ZMYM4: variants seen among roughly 807,000 people sequenced by gnomAD.
ZMYM4 encodes the protein zinc finger MYM-type protein 4.
Under a neutral mutation model 183.2 loss-of-function variants are expected in ZMYM4, and 31 were observed. The observed-to-expected ratio is 0.17, with a 90% CI of 0.13 to 0.23. The LOEUF (loss-of-function observed/expected upper bound fraction) is 0.23, where lower values mean the gene tolerates loss of function less well. Among genes scored for constraint, ZMYM4 ranks in the 10% least tolerant of loss-of-function variants. The pLI is 1.00. For synonymous variants in ZMYM4, 592 were observed against 631.2 expected (o/e 0.94, Z 0.93); for missense variants, 1,273 against 1,840.3 (o/e 0.69, Z 5.64).
intron 1 of ZMYM4, among the ~76,000 whole-genome samples, chr1:35,307,649 C>T (rs933005264): frequency 1.1e-4 from 16 of 150,994 alleles, no homozygotes; most frequent in Non-Finnish European, 1.9e-4. Context: ...ATTCTCCTGC[C>T]TCAGCCTCCC....
At position 35,370,081 on chromosome 1, in the gene ZMYM4, G is replaced by A. The variant is rs770906457; in HGVS notation, c.893G>A (p.Ser298Asn). The part of the protein sequence containing the change: ...QKTQEGELKI[S>N]AVFSVSGSPL... ...ACTCAAGAGGGGGAACTGAAAATTA[G>A]TGCTGTGTTTTCAGTCAGTGGCAGC... Residue 298 changes from serine (S) to asparagine (N), a missense_variant, in exon 6 of 30, where the codon AGT becomes AAT. Coordinates refer to ENST00000314607, the MANE Select transcript of ZMYM4 (RefSeq NM_005095.3). 2.5e-6 allele frequency: 4 copies of A among 1,613,370 alleles called. No homozygotes were observed. Among genetic ancestry groups the A allele is most frequent in the Non-Finnish European group, 3.4e-6 (4 of 1,179,558 alleles).
At chr1:35,333,786 T>G (rs1642857461) in intron 2 of ZMYM4, among the ~76,000 whole-genome samples, 1 of 152,112 alleles carries the variant, frequency 6.6e-6, no homozygotes, top group Non-Finnish European at 1.5e-5. Flanking sequence ...TATACATACT[T>G]TTCTCCTCCT....
At chr1:35,333,313 A>C (rs933826868) in intron 2 of ZMYM4, among the ~76,000 whole-genome samples, 5 of 144,934 alleles carry the variant, frequency 3.4e-5, no homozygotes, top group African/African-American at 1.0e-4. Context: ...GTTGGAGTGC[A>C]GTGGTGCAAT....
At chr1:35,339,298 G>A (rs944421624) in intron 2 of ZMYM4, among the ~76,000 whole-genome samples, 13 of 151,880 alleles carry the variant, frequency 8.6e-5, no homozygotes, top group African/African-American at 2.4e-4. Flanking sequence ...GCAGTGGCGC[G>A]ATCTTTGCTC....
chr1:35,342,930 C>T (rs1319165321), intron 2 of ZMYM4, among the ~76,000 whole-genome samples: 4 of 152,120 alleles, frequency 2.6e-5, no homozygotes, highest in African/African-American at 9.7e-5. Context: ...GACCTGCCCG[C>T]CTCAGCCTCC....
At chr1:35,405,915 A>G (rs1644994970) in intron 25 of ZMYM4, among the ~76,000 whole-genome samples, 1 of 152,212 alleles carries the variant, frequency 6.6e-6, no homozygotes, top group Non-Finnish European at 1.5e-5. Context: ...TTTCAAATAA[A>G]GCAACAGTGT....
intron 9 of ZMYM4, among the ~76,000 whole-genome samples, chr1:35,385,153 T>C (rs770771105): frequency 6.6e-6 from 1 of 152,206 alleles, no homozygotes; most frequent in Non-Finnish European, 1.5e-5. Flanking sequence ...CCGCATTACT[T>C]TTTCAATGAA....
At chr1:35,407,603 G>T (rs1414269680) in intron 25 of ZMYM4, among the ~76,000 whole-genome samples, 1 of 152,116 alleles carries the variant, frequency 6.6e-6, no homozygotes, top group Non-Finnish European at 1.5e-5. Context: ...TCTCACATAA[G>T]ACTAGTATTT....
At chr1:35,350,955 G>T (rs771346987) in intron 2 of ZMYM4, 6 of 686,204 alleles carry the variant, frequency 8.7e-6, no homozygotes, top group Non-Finnish European at 1.6e-5. Context: ...TGCGGCATAT[G>T]CATATGAACT....
intron 2 of ZMYM4, chr1:35,350,886 A>C (rs769948327): frequency 9.7e-6 from 6 of 620,468 alleles, no homozygotes; most frequent in Non-Finnish European, 1.7e-5. Flanking sequence ...TAATTTGTGT[A>C]ACAGAGATAT....
rs555491405 is a variant in ZMYM4, at chr1:35,389,526, G to A, written c.2437-422G>A. Among the ~76,000 whole-genome samples the A allele has an allele frequency of 1.3e-4, 20 of 151,974 alleles. No homozygotes were observed. The highest frequency in any genetic ancestry group is 2.8e-4 in the Non-Finnish European group (19 of 67,966). ...TCCCAGCACTTTGGGAGGCCGAGGC[G>A]GGTGGATCATGAGGTTAGGAGATCG... On this transcript the variant is annotated intron_variant, in intron 14 of 29. Coordinates refer to ENST00000314607, the MANE Select transcript of ZMYM4 (RefSeq NM_005095.3). This position sits in a 1 kb window ranked among gnomAD's most constrained non-coding sequence, Gnocchi z 4.0.
chr1:35,268,913 C>T lies in ZMYM4; in HGVS notation c.-134C>T. On this transcript the variant is annotated 5_prime_UTR_variant, in exon 1 of 30. Transcript: ENST00000314607. The stretch of plus-strand genomic sequence containing the variant: ...GCGGCATCCGCCCCCTCCCCACTCT[C>T]GGCGCAAGGCCCGGCCGGGTCCGGG... 9.5e-7 allele frequency: 1 copy of T among 1,050,124 alleles called. No homozygotes were observed. Among genetic ancestry groups the T allele is most frequent in the South Asian group, 4.2e-5 (1 of 24,050 alleles). 65.1% of individuals were successfully genotyped at this position (1,050,124 alleles called of 1,614,324 possible). A position where few individuals can be genotyped will look rare whatever the true frequency, so the allele number is the denominator to read the frequency against.
chr1:35,383,596 C>T (rs1644511872), intron 9 of ZMYM4, among the ~76,000 whole-genome samples: 2 of 151,714 alleles, frequency 1.3e-5, no homozygotes, highest in Admixed American at 1.3e-4. Context: ...TGTCATTTTC[C>T]AAAAGACTGT....
Position 35,363,171 on chromosome 1 carries a change from TG to T in ZMYM4, c.840+1384del, listed in dbSNP as rs199649244. Among the ~76,000 whole-genome samples the T allele has an allele frequency of 6.0e-4, 91 of 152,170 alleles. No homozygotes were observed. The East Asian group carries it at 0.017, about 29-fold the overall frequency. Reference sequence around the variant, plus strand: ...GGATGACAGAGTGAGACTTTTTTTTTGGTAAAGTAAGTTGCACAAGCTTGTC... The same window carrying T: ...GGATGACAGAGTGAGACTTTTTTTTTGTAAAGTAAGTTGCACAAGCTTGTC... On this transcript the variant is annotated intron_variant, in intron 5 of 29. Transcript: ENST00000314607.
Position 35,355,663 on chromosome 1 carries a change from G to A in ZMYM4, c.86-3262G>A, listed in dbSNP as rs184591257. On this transcript the variant is annotated intron_variant, in intron 2 of 29. Coordinates refer to ENST00000314607, the MANE Select transcript of ZMYM4 (RefSeq NM_005095.3). ...TCTAGCCATTTTTAAAGTCACATTT[G>A]ATCTTTTATATTTTTATTTATAACT... 6.7e-4 allele frequency among the ~76,000 whole-genome samples: 102 copies of A among 151,950 alleles called. 1 individual carries two copies. The highest frequency in any genetic ancestry group is 2.9e-3 in the East Asian group (15 of 5,180).
chr1:35,287,951 G>A (rs1011373806), intron 1 of ZMYM4, among the ~76,000 whole-genome samples: 2 of 152,096 alleles, frequency 1.3e-5, no homozygotes, highest in African/African-American at 4.8e-5. Context: ...TGCCCTGGAT[G>A]GAATGCAGTG....
intron 1 of ZMYM4, among the ~76,000 whole-genome samples, chr1:35,301,389 G>T (rs892447587): frequency 1.3e-5 from 2 of 151,906 alleles, no homozygotes; most frequent in African/African-American, 4.8e-5. Flanking sequence ...TCTACTAAAA[G>T]TACAAAATTA....
At chr1:35,375,084 C>A (rs1031620382) in intron 7 of ZMYM4, among the ~76,000 whole-genome samples, 5 of 152,100 alleles carry the variant, frequency 3.3e-5, no homozygotes, top group African/African-American at 1.2e-4. Context: ...TATTCGTTCA[C>A]CCCTTTTTGT....
intron 5 of ZMYM4, chr1:35,365,946 A>G (rs1325063005): frequency 6.6e-6 from 1 of 152,198 alleles, no homozygotes; most frequent in Non-Finnish European, 1.5e-5. Context: ...ATTTTACTAT[A>G]TTACATAAAT....
Sources: allele counts gnomAD v4.1 joint callset (sites outside exome capture counted in the v4.1 genomes callset), GRCh38; gene constraint gnomAD v4.1.1; non-coding constraint Gnocchi (gnomAD v3.1); transcripts MANE v1.5; gene names NCBI Gene and HGNC (gene_info 2026-07-23, HGNC 2026-07-21).